HEATR5B: variants seen among roughly 807,000 people sequenced by gnomAD.
The protein encoded by HEATR5B is HEAT repeat containing 5B, also known as HEAT repeat-containing protein 5B.
HEATR5B carries 156 observed loss-of-function variants against 224.1 expected under a neutral mutation model. The observed-to-expected ratio is 0.70, with a 90% CI of 0.61 to 0.80. HEATR5B has a LOEUF of 0.80. Among genes scored for constraint, HEATR5B ranks in the 30% least tolerant of loss-of-function variants. The pLI is 0.00. For synonymous variants in HEATR5B, 1,027 were observed against 893.0 expected, an observed-to-expected ratio of 1.15 and a Z score of -2.68; for missense variants, 2,323 against 2,535.5, an observed-to-expected ratio of 0.92 and a Z score of 1.80.
intron 33 of HEATR5B, among the ~76,000 whole-genome samples, chr2:36,991,781 T>C (rs1666348747): frequency 6.6e-6 from 1 of 152,218 alleles, no homozygotes; most frequent in Non-Finnish European, 1.5e-5. Flanking sequence ...TACCCAGTGA[T>C]AATCAGTACT....
At chr2:37,034,646 G>A (rs145044667) in intron 21 of HEATR5B, among the ~76,000 whole-genome samples, 4,136 of 117,760 alleles carry the variant, frequency 0.035, 97 homozygotes, top group Middle Eastern at 0.049. Flanking sequence ...AAAAGACATC[G>A]CCCAGGCTGG....
Position 37,065,828 on chromosome 2 carries a change from G to A in HEATR5B, c.1260C>T (p.Ala420=), listed in dbSNP as rs747700316. Residue 420 remains alanine (A), a synonymous_variant, in exon 9 of 36, where the codon GCC becomes GCT. Transcript: ENST00000233099. Reference sequence around the variant, plus strand: ...GCACCAGGCTCCCGAGTTCCTGGAGGGCACAGACCATCACATGCTGGCTTG... The same window carrying A: ...GCACCAGGCTCCCGAGTTCCTGGAGAGCACAGACCATCACATGCTGGCTTG... The part of the protein sequence containing the change: ...IAASQHVMVC[A]LQELGSLVQS... 2 of 1,613,862 alleles carry A rather than the reference G, an allele frequency of 1.2e-6. No homozygotes were observed. Among genetic ancestry groups the A allele is most frequent in the East Asian group, 4.5e-5 (2 of 44,886 alleles).
At chr2:37,077,496 T>C (rs1275909953) in intron 3 of HEATR5B, among the ~76,000 whole-genome samples, 1 of 152,150 alleles carries the variant, frequency 6.6e-6, no homozygotes, top group Admixed American at 6.5e-5. Flanking sequence ...TCAGTAGAGA[T>C]GGGGTTTCAC....
At chr2:37,046,947 G>C (rs1670236566) in intron 18 of HEATR5B, among the ~76,000 whole-genome samples, 1 of 149,524 alleles carries the variant, frequency 6.7e-6, no homozygotes, top group Admixed American at 6.7e-5. Context: ...CTACACGGGA[G>C]GCTAAGGAAG....
rs763964719 is a variant in HEATR5B at position 37,068,872 on chromosome 2, G to A, written c.986C>T (p.Thr329Met). 9.3e-6 allele frequency: 15 copies of A among 1,614,008 alleles called. No homozygotes were observed. The highest frequency in any genetic ancestry group is 3.3e-5 in the South Asian group (3 of 91,092). ...GGQWLERSFA[T>M]FLSHVLDLVS... ...CAGATCAAGTACATGGGACAGGAAC[G>A]TGGCAAAGCTGCGCTCCAACCACTG... The change falls in exon 8 of 36, where the codon ACG becomes ATG. Residue 329 changes from threonine (T) to methionine (M), a missense_variant. Thr to Met is a moderately conservative substitution (Grantham distance 81, BLOSUM62 -1). Transcript: ENST00000233099.
chr2:37,058,649 A>T, intron 13 of HEATR5B, 89 bp from the exon 14 acceptor site: 4 of 858,306 alleles, frequency 4.7e-6, no homozygotes, highest in Non-Finnish European at 7.7e-6. Flanking sequence ...GTACTGCCAA[A>T]CTACACTGAT....
At chr2:37,034,661 C>A (rs372233263) in intron 21 of HEATR5B, among the ~76,000 whole-genome samples, 12 of 143,416 alleles carry the variant, frequency 8.4e-5, no homozygotes, top group South Asian at 7.1e-4. Context: ...GGCTGGTGTG[C>A]AGTGTCACAA....
intron 10 of HEATR5B, 107 bp downstream of exon 10, chr2:37,064,633 A>G: frequency 1.9e-6 from 2 of 1,042,726 alleles, no homozygotes; most frequent in Non-Finnish European, 2.9e-6. Flanking sequence ...ATGATAACAT[A>G]GTACAACTGT....
chr2:37,040,802 G>A (rs977629120), intron 19 of HEATR5B, among the ~76,000 whole-genome samples: 8 of 151,566 alleles, frequency 5.3e-5, no homozygotes, highest in Admixed American at 5.3e-4. Context: ...GGGTATCACA[G>A]GAAGAGAGAG....
At chr2:37,070,654 A>G (rs1163813193) in intron 6 of HEATR5B, among the ~76,000 whole-genome samples, 2 of 152,226 alleles carry the variant, frequency 1.3e-5, no homozygotes, top group African/African-American at 4.8e-5. Flanking sequence ...ACTATGTGTA[A>G]CACAATAAGG....
chr2:36,999,615 G>A (rs998415226), intron 33 of HEATR5B, among the ~76,000 whole-genome samples: 5 of 151,874 alleles, frequency 3.3e-5, no homozygotes, highest in African/African-American at 1.2e-4. Context: ...GGAGGCAAAG[G>A]TTGCAGTGAG....
At position 36,990,828 on chromosome 2, in the gene HEATR5B, T is replaced by C. The variant is rs771831133; in HGVS notation, c.5546-29A>G. On this transcript the variant is annotated intron_variant, in intron 33 of 35. Coordinates refer to ENST00000233099, the MANE Select transcript of HEATR5B (RefSeq NM_019024.3). ...AAAATGAAAAATGAAAGAAGTGTGC[T>C]GTTTCTAAAACATTTTGGCATTTTA... 8 of 1,526,652 alleles carry C rather than the reference T, an allele frequency of 5.2e-6. No individual in the cohort carries two copies. In the East Asian group the frequency reaches 6.9e-5, roughly 13 times the overall value. 94.6% of individuals were successfully genotyped at this position (1,526,652 alleles called of 1,614,324 possible). A position where few individuals can be genotyped will look rare whatever the true frequency, so the allele number is the denominator to read the frequency against.
intron 16 of HEATR5B, 94 bp from the exon 17 acceptor site, chr2:37,053,701 C>CT: frequency 1.6e-6 from 1 of 615,832 alleles, no homozygotes; most frequent in Non-Finnish European, 2.8e-6. Context: ...AATTGTTTAG[C>CT]AAATAATTCC....
intron 24 of HEATR5B, among the ~76,000 whole-genome samples, chr2:37,022,348 G>T (rs1381494484): frequency 1.3e-5 from 2 of 151,894 alleles, no homozygotes; most frequent in Admixed American, 6.6e-5. Flanking sequence ...CCAGCTAATT[G>T]TTGTATTTTT....
At position 37,007,222 on chromosome 2, in the gene HEATR5B, C is replaced by T. The variant is rs1006983191; in HGVS notation, c.4605G>A (p.Val1535=). 6.2e-7 allele frequency: 1 copy of T among 1,613,938 alleles called. No individual in the cohort carries two copies. Among genetic ancestry groups the T allele is most frequent in the Non-Finnish European group, 8.5e-7 (1 of 1,180,020 alleles). Residue 1535 remains valine (V), a synonymous_variant, in exon 29 of 36, where the codon GTG becomes GTA. Coordinates refer to ENST00000233099, the MANE Select transcript of HEATR5B (RefSeq NM_019024.3). The part of the protein sequence containing the change: ...RNSWAPILHA[V]ALWLNSTGFT... ...ATCCTGTGCTATTTAACCAAAGTGC[C>T]ACCGCATGGAGAATTGGGGCCCAGG...
chr2:37,065,049 C>T lies in HEATR5B; in HGVS notation c.1334-59G>A. On this transcript the variant is annotated intron_variant, in intron 9 of 35. Transcript: ENST00000233099. ...ATGAAGTCAAATGATTTCAGAAACTCAAATACTATCTAAAAAACAATAACT... is the reference window on the plus strand; with the variant it reads ...ATGAAGTCAAATGATTTCAGAAACTTAAATACTATCTAAAAAACAATAACT... 3 of 1,500,484 alleles carry T rather than the reference C, an allele frequency of 2.0e-6. No individual in the cohort carries two copies. The South Asian group carries it at 3.5e-5, about 18-fold the overall frequency. 92.9% of individuals were successfully genotyped at this position (1,500,484 alleles called of 1,614,324 possible). A position where few individuals can be genotyped will look rare whatever the true frequency, so the allele number is the denominator to read the frequency against.
intron 14 of HEATR5B, 62 bp from the exon 15 acceptor site, chr2:37,057,542 GC>G: frequency 8.7e-7 from 1 of 1,146,362 alleles, no homozygotes; most frequent in Non-Finnish European, 1.2e-6. Context: ...TATAATCATT[GC>G]CCACAAAGAG....
intron 33 of HEATR5B, among the ~76,000 whole-genome samples, chr2:36,995,194 A>T (rs1293689561): frequency 6.8e-6 from 1 of 147,758 alleles, no homozygotes; most frequent in Non-Finnish European, 1.5e-5. Context: ...GGTTCAAGCA[A>T]TTCTCCTGCT....
At chr2:36,987,887 C>T (rs1006399814) in intron 35 of HEATR5B, among the ~76,000 whole-genome samples, 12 of 151,952 alleles carry the variant, frequency 7.9e-5, no homozygotes, top group Non-Finnish European at 1.5e-5. Flanking sequence ...ACCTGGGCAA[C>T]ATGGCAAAAA....
Sources: gnomAD v4.1 joint callset for allele counts (sites outside exome capture counted in the v4.1 genomes callset) on GRCh38, gnomAD v4.1.1 for gene constraint, MANE v1.5 for transcripts, NCBI Gene and HGNC (gene_info 2026-07-23, HGNC 2026-07-21) for gene names.